PARK7: variants seen among roughly 807,000 people sequenced by gnomAD.
The protein encoded by PARK7 is Parkinsonism associated deglycase.
A neutral mutation model predicts 20.5 loss-of-function variants in PARK7; 14 were observed. The observed-to-expected ratio is 0.68, with a 90% confidence interval of 0.45 to 1.07. The LOEUF (loss-of-function observed/expected upper bound fraction) is 1.07, where lower values mean the gene tolerates loss of function less well. PARK7 is among the 50% of genes least tolerant of loss of function. The pLI is 0.00. For synonymous variants in PARK7, 98 were observed against 84.3 expected (o/e 1.16, Z -0.89); for missense variants, 234 against 238.1 (o/e 0.98, Z 0.11).
In PARK7 at chr1:7,985,289, G is replaced by T. The variant is rs1024396975; in HGVS notation, c.*235G>T. 1.9e-5 allele frequency: 10 copies of T among 537,824 alleles called. No individual in the cohort carries two copies. Among genetic ancestry groups the T allele is most frequent in the African/African-American group, 1.1e-4 (6 of 52,510 alleles). 33.3% of individuals were successfully genotyped at this position (537,824 alleles called of 1,614,324 possible). ...CAGGGCATTTAGCAAACTACTGATT[G>T]TTTCTTGTTTTGTCTCTCATTTCTT... On this transcript the variant is annotated 3_prime_UTR_variant, in exon 7 of 7. Coordinates refer to ENST00000338639, the MANE Select transcript of PARK7 (RefSeq NM_007262.5).
chr1:7,981,660 G>GTTTTT (rs1245140194), intron 6 of PARK7, among the ~76,000 whole-genome samples: 3 of 136,520 alleles, frequency 2.2e-5, no homozygotes, highest in Non-Finnish European at 4.7e-5. Context: ...TGTGTCTTTT[G>GTTTTT]TTTTTTTTTT....
chr1:7,977,160 T>C (rs1343777127), intron 5 of PARK7, among the ~76,000 whole-genome samples: 1 of 152,194 alleles, frequency 6.6e-6, no homozygotes, highest in Non-Finnish European at 1.5e-5. Flanking sequence ...CCCGCCCCAG[T>C]GATCCTCCCC....
At chr1:7,980,528 A>G (rs1162856210) in intron 6 of PARK7, among the ~76,000 whole-genome samples, 1 of 152,198 alleles carries the variant, frequency 6.6e-6, no homozygotes, top group East Asian at 1.9e-4. Context: ...AGGTGGCATC[A>G]TCCTGGCTTC....
At chr1:7,964,856 T>C (rs1640291939) in intron 2 of PARK7, among the ~76,000 whole-genome samples, 1 of 152,186 alleles carries the variant, frequency 6.6e-6, no homozygotes, top group Non-Finnish European at 1.5e-5. Flanking sequence ...AGATGAGTTA[T>C]TAATAGGATG....
Position 7,970,933 on chromosome 1 carries a change from C to T in PARK7, c.292C>T (p.Arg98Trp), listed in dbSNP as rs182164240. 15 of 1,614,132 alleles carry T rather than the reference C, an allele frequency of 9.3e-6. No individual in the cohort carries two copies. Among genetic ancestry groups the T allele is most frequent in the East Asian group, 6.7e-5 (3 of 44,886 alleles). The stretch of plus-strand genomic sequence containing the variant: ...GGAGATACTGAAGGAGCAGGAAAAC[C>T]GGAAGGGCCTGATAGCCGCCATCTG... ...VKEILKEQEN[R>W]KGLIAAICAG... Residue 98 changes from arginine (R) to tryptophan (W), a missense_variant, in exon 5 of 7, where the codon CGG (arginine) becomes TGG (tryptophan). Arg to Trp is a moderately radical substitution (Grantham distance 101). Coordinates refer to ENST00000338639, the MANE Select transcript of PARK7 (RefSeq NM_007262.5).
intron 5 of PARK7, among the ~76,000 whole-genome samples, chr1:7,976,143 G>T (rs1370650268): frequency 6.6e-6 from 1 of 152,186 alleles, no homozygotes; most frequent in East Asian, 1.9e-4. Flanking sequence ...GTTGAAAAAT[G>T]AAAGGACAGT....
intron 3 of PARK7, among the ~76,000 whole-genome samples, chr1:7,968,570 C>T (rs560901942): frequency 3.3e-5 from 5 of 152,036 alleles, no homozygotes; most frequent in South Asian, 2.1e-4. Context: ...GGCTAGAGTG[C>T]GGTGGTGCAG....
intron 5 of PARK7, among the ~76,000 whole-genome samples, chr1:7,975,823 A>G (rs1640574068): frequency 6.6e-6 from 1 of 152,240 alleles, no homozygotes; most frequent in South Asian, 2.1e-4. Context: ...TTCTTCTTAA[A>G]TTCTTACCAA....
Position 7,977,755 on chromosome 1 carries a change from T to TTTTG in PARK7, c.409+33_409+36dup, listed in dbSNP as rs751547694. On this transcript the variant is annotated intron_variant, in intron 6 of 6. Transcript: ENST00000338639. ...TGAATGGAGGTAAGTATATGCTTGT[T>TTTTG]TTTGTTTGTTTGTTTGTTTTTTGAG... 120 of 1,608,016 alleles carry TTTTG rather than the reference T, an allele frequency of 7.5e-5. 1 individual carries two copies. The Middle Eastern group carries it at 1.6e-3, about 22-fold the overall frequency.
chr1:7,966,332 T>G (rs972306524), intron 3 of PARK7, among the ~76,000 whole-genome samples: 11 of 151,936 alleles, frequency 7.2e-5, no homozygotes, highest in African/African-American at 2.7e-4. Flanking sequence ...TTTTCATTAC[T>G]GGATTGTAGA....
At chr1:7,980,964 T>C (rs1640697764) in intron 6 of PARK7, among the ~76,000 whole-genome samples, 1 of 152,200 alleles carries the variant, frequency 6.6e-6, no homozygotes. Flanking sequence ...CACCTTGGTC[T>C]CCCAAAGTGC....
At position 7,977,690 on chromosome 1, in the gene PARK7, A is replaced by G; in HGVS notation, c.361A>G (p.Ser121Gly). 2 of 1,614,166 alleles carry G rather than the reference A, an allele frequency of 1.2e-6. No homozygotes were observed. Among genetic ancestry groups the G allele is most frequent in the Non-Finnish European group, 1.7e-6 (2 of 1,179,994 alleles). The change falls in exon 6 of 7, where the codon AGT (serine) becomes GGT (glycine). Residue 121 changes from serine (S) to glycine (G), a missense_variant. Physicochemically the swap from Ser to Gly is moderately conservative, Grantham distance 56. Coordinates refer to ENST00000338639, the MANE Select transcript of PARK7 (RefSeq NM_007262.5). The stretch of plus-strand genomic sequence containing the variant: ...GTTGGCTCATGAAATAGGTTTTGGA[A>G]GTAAAGTTACAACACACCCTCTTGC... ...ALLAHEIGFG[S>G]KVTTHPLAKD...
At chr1:7,964,578 A>G (rs532308860) in intron 2 of PARK7, among the ~76,000 whole-genome samples, 1 of 152,182 alleles carries the variant, frequency 6.6e-6, no homozygotes, top group South Asian at 2.1e-4. Flanking sequence ...ATGTGAGGAA[A>G]TTTTTCCAGG....
At chr1:7,975,597 C>T (rs1352297309) in intron 5 of PARK7, among the ~76,000 whole-genome samples, 1 of 152,170 alleles carries the variant, frequency 6.6e-6, no homozygotes, top group Non-Finnish European at 1.5e-5. Flanking sequence ...AGGGTTCTGA[C>T]GCCCCAGAAA....
chr1:7,982,219 T>G (rs537572607), intron 6 of PARK7, among the ~76,000 whole-genome samples: 17 of 151,388 alleles, frequency 1.1e-4, no homozygotes, highest in Admixed American at 5.9e-4. Context: ...AATCCTGACC[T>G]CAGGTGATCC....
chr1:7,970,290 G>GT (rs1040466715), intron 4 of PARK7, among the ~76,000 whole-genome samples: 1 of 152,150 alleles, frequency 6.6e-6, no homozygotes, highest in Admixed American at 6.6e-5. Context: ...AGATGATTTG[G>GT]TTTTTTTCCA....
At chr1:7,968,810 C>T (rs762989320) in intron 3 of PARK7, among the ~76,000 whole-genome samples, 1 of 152,140 alleles carries the variant, frequency 6.6e-6, no homozygotes, top group Non-Finnish European at 1.5e-5. Flanking sequence ...AGCCAGTGTG[C>T]CCAGCCTGTT....
At chr1:7,982,360 A>G (rs1640730022) in intron 6 of PARK7, among the ~76,000 whole-genome samples, 2 of 152,096 alleles carry the variant, frequency 1.3e-5, no homozygotes, top group African/African-American at 2.4e-5. Context: ...ATAAAAATCA[A>G]TGCCTTCTGC....
At chr1:7,964,347 G>A (rs1243550698) in intron 2 of PARK7, among the ~76,000 whole-genome samples, 2 of 152,240 alleles carry the variant, frequency 1.3e-5, no homozygotes, top group East Asian at 1.9e-4. Flanking sequence ...CCCACATCAC[G>A]TAGTAAGTAC....
Sources: gnomAD v4.1 joint callset for allele counts (sites outside exome capture counted in the v4.1 genomes callset) on GRCh38, gnomAD v4.1.1 for gene constraint, MANE v1.5 for transcripts, NCBI Gene and HGNC (gene_info 2026-07-23, HGNC 2026-07-21) for gene names.